Variants in PAFAH1B1 observed in about 807,000 individuals in gnomAD.
PAFAH1B1 encodes the protein platelet-activating factor acetylhydrolase IB subunit beta.
Under a neutral mutation model 57.5 loss-of-function variants are expected in PAFAH1B1, and 2 were observed. The observed-to-expected ratio is 0.03, with a 90% CI of 0.01 to 0.11. The LOEUF is 0.11. Ranked by LOEUF, PAFAH1B1 falls within the 10% of genes least tolerant of loss-of-function variation. The probability of loss-of-function intolerance (pLI) is 1.00; values close to 1 mark genes in which losing one functional copy is unlikely to be tolerated. For missense variants in PAFAH1B1, 257 were observed against 512.0 expected, an observed-to-expected ratio of 0.50 and a Z score of 4.81; for synonymous variants, 152 against 169.6, an observed-to-expected ratio of 0.90 and a Z score of 0.81.
intron 1 of PAFAH1B1, among the ~76,000 whole-genome samples, chr17:2,630,996 C>T (rs1300136760): frequency 1.3e-5 from 2 of 152,306 alleles, no homozygotes; most frequent in Admixed American, 1.3e-4. Context: ...AATCCCAGCA[C>T]TTTGGGAGGC....
At chr17:2,623,562 A>C (rs1331507813) in intron 1 of PAFAH1B1, among the ~76,000 whole-genome samples, 2 of 146,934 alleles carry the variant, frequency 1.4e-5, no homozygotes, top group South Asian at 2.2e-4. Context: ...CTGGCCAAAA[A>C]ATGTTGTTTT....
intron 2 of PAFAH1B1, among the ~76,000 whole-genome samples, chr17:2,656,988 C>G (rs1449338245): frequency 6.6e-6 from 1 of 152,124 alleles, no homozygotes; most frequent in Non-Finnish European, 1.5e-5. Flanking sequence ...GTGGCGCAGC[C>G]TGGGCCCACT....
At chr17:2,593,261 G>C, upstream of PAFAH1B1, 1 of 152,220 alleles carries the variant, frequency 6.6e-6, no homozygotes, top group Non-Finnish European at 1.5e-5. Flanking sequence ...CGCGCCTCCC[G>C]GGGCCCGCCA....
chr17:2,647,335 C>T (rs1015843358), intron 2 of PAFAH1B1, among the ~76,000 whole-genome samples: 6 of 151,996 alleles, frequency 3.9e-5, no homozygotes, highest in Non-Finnish European at 7.4e-5. Context: ...CACTGCACTT[C>T]AGCCTGGGAG....
At chr17:2,619,734 A>G (rs2068394227) in intron 1 of PAFAH1B1, among the ~76,000 whole-genome samples, 1 of 152,174 alleles carries the variant, frequency 6.6e-6, no homozygotes, top group Non-Finnish European at 1.5e-5. Context: ...CAATTGAGGA[A>G]ACTCAGGCTT....
chr17:2,673,962 G>A (rs189180028), intron 7 of PAFAH1B1, 98 bp from the exon 8 acceptor site: 30 of 830,318 alleles, frequency 3.6e-5, no homozygotes, highest in African/African-American at 3.5e-4. Flanking sequence ...CTCTAACTTG[G>A]TACCATTCTC....
intron 2 of PAFAH1B1, among the ~76,000 whole-genome samples, chr17:2,650,539 G>T (rs139597889): frequency 3.4e-5 from 5 of 147,904 alleles, no homozygotes; most frequent in Non-Finnish European, 7.4e-5. Context: ...CAGGGATGTC[G>T]GCGCAGTCTT....
intron 2 of PAFAH1B1, among the ~76,000 whole-genome samples, chr17:2,643,930 G>A (rs1210461115): frequency 1.3e-5 from 2 of 152,118 alleles, no homozygotes; most frequent in Non-Finnish European, 2.9e-5. Flanking sequence ...GTACAGTGGC[G>A]CAGTCAGAGC....
At chr17:2,673,827 T>G in intron 7 of PAFAH1B1, 1 of 499,110 alleles carries the variant, frequency 2.0e-6, no homozygotes, top group African/African-American at 1.9e-5. Context: ...TTTGAAAGAT[T>G]TTATTTCTTA....
At chr17:2,635,468 A>G (rs968024944) in intron 1 of PAFAH1B1, 2 of 151,960 alleles carry the variant, frequency 1.3e-5, no homozygotes, top group African/African-American at 4.8e-5. Context: ...GGCTCAAGCA[A>G]CCCTCCTGCC....
chr17:2,639,320 T>C (rs1394555410), intron 2 of PAFAH1B1: 1 of 152,250 alleles, frequency 6.6e-6, no homozygotes, highest in Non-Finnish European at 1.5e-5. Context: ...GTTCTTGTTA[T>C]CACTGATGTC....
At chr17:2,660,195 G>A (rs1490098696) in intron 2 of PAFAH1B1, among the ~76,000 whole-genome samples, 2 of 145,440 alleles carry the variant, frequency 1.4e-5, no homozygotes, top group African/African-American at 4.9e-5. Context: ...TTGCTGCCCT[G>A]AATATGCAAG....
intron 5 of PAFAH1B1, chr17:2,667,636 T>C (rs1480535049): frequency 4.8e-6 from 1 of 209,622 alleles, no homozygotes; most frequent in Non-Finnish European, 9.8e-6. Flanking sequence ...AGGTTATGTG[T>C]GAAATACTGA....
chr17:2,633,548 A>G (rs1347543818), intron 1 of PAFAH1B1, among the ~76,000 whole-genome samples: 2 of 152,076 alleles, frequency 1.3e-5, no homozygotes, highest in Non-Finnish European at 2.9e-5. Flanking sequence ...GGCTGGGGGA[A>G]GAAAGAGAAA....
rs1293103708 is a variant in PAFAH1B1, at chr17:2,684,854, CCTG to C, written c.*3055_*3057del. On this transcript the variant is annotated 3_prime_UTR_variant, in exon 11 of 11. Coordinates refer to ENST00000397195, the MANE Select transcript of PAFAH1B1 (RefSeq NM_000430.4). The stretch of plus-strand genomic sequence containing the variant: ...AGCCCCGCCTCCCCGCTGCCAGTGC[CCTG>C]CTCTCCCGTTCGCCTCTTTCTGTTT... 6.6e-6 allele frequency: 1 copy of C among 152,536 alleles called. No individual in the cohort carries two copies. Among genetic ancestry groups the C allele is most frequent in the Non-Finnish European group, 1.5e-5 (1 of 68,034 alleles). 9.4% of individuals were successfully genotyped at this position (152,536 alleles called of 1,614,324 possible).
intron 2 of PAFAH1B1, among the ~76,000 whole-genome samples, chr17:2,659,876 T>C (rs976983374): frequency 2.6e-5 from 4 of 152,182 alleles, no homozygotes; most frequent in African/African-American, 7.2e-5. Flanking sequence ...TGAGACTTGA[T>C]TGATATCCTG....
chr17:2,639,022 C>T (rs2068660977), intron 2 of PAFAH1B1, among the ~76,000 whole-genome samples: 1 of 152,120 alleles, frequency 6.6e-6, no homozygotes, highest in East Asian at 1.9e-4. Context: ...GCCTCAACCT[C>T]CCGAGTAGCT....
intron 1 of PAFAH1B1, among the ~76,000 whole-genome samples, chr17:2,595,901 G>T (rs1035404700): frequency 6.6e-6 from 1 of 152,178 alleles, no homozygotes; most frequent in Non-Finnish European, 1.5e-5. Context: ...ATTTGTGGAT[G>T]CTGTGAACAG....
intron 1 of PAFAH1B1, among the ~76,000 whole-genome samples, chr17:2,625,246 A>G (rs1481987859): frequency 1.3e-5 from 2 of 152,210 alleles, no homozygotes; most frequent in Non-Finnish European, 2.9e-5. Context: ...AAGTCTGGAT[A>G]TTGACATGCA....
Sources: allele counts gnomAD v4.1 joint callset (sites outside exome capture counted in the v4.1 genomes callset), GRCh38; gene constraint gnomAD v4.1.1; transcripts MANE v1.5; gene names NCBI Gene and HGNC (gene_info 2026-07-23, HGNC 2026-07-21).